Variants in ABR observed in about 807,000 individuals in gnomAD.
ABR encodes the protein active breakpoint cluster region-related protein.
A neutral mutation model predicts 107.2 loss-of-function variants in ABR; 35 were observed. The observed-to-expected ratio is 0.33, with a 90% CI of 0.25 to 0.43. ABR has a LOEUF of 0.43. Among genes scored for constraint, ABR ranks in the 20% least tolerant of loss-of-function variants. ABR has a pLI of 1.00. For synonymous variants in ABR, 498 were observed against 462.0 expected (o/e 1.08, Z -1.00); for missense variants, 815 against 1,115.2 (o/e 0.73, Z 3.83).
At chr17:1,057,718 GT>G in intron 12 of ABR, 2 of 458,478 alleles carry the variant, frequency 4.4e-6, no homozygotes, top group Non-Finnish European at 8.1e-6. Context: ...AGAGAGAGAG[GT>G]AGAGAGAGAG....
chr17:1,044,767 C>T (rs2031299680), intron 16 of ABR, among the ~76,000 whole-genome samples: 1 of 152,178 alleles, frequency 6.6e-6, no homozygotes, highest in South Asian at 2.1e-4. Context: ...TCCTGACTTT[C>T]CTGGGACCCT....
In ABR at chr17:1,100,678, T is replaced by G. The variant is rs140462166; in HGVS notation, c.304A>C (p.Ser102Arg). ...AGCTGGTTAATGTAGATCTCTTCGCTGGCCAAGAACCCCGAGAGAACCAGC... is the reference window on the plus strand; with the variant it reads ...AGCTGGTTAATGTAGATCTCTTCGCGGGCCAAGAACCCCGAGAGAACCAGC... ...RKLVLSGFLA[S>R]EEIYINQLEA... is the part of the protein sequence containing the mutation. The change falls in exon 3 of 23, where the codon AGC (serine) becomes CGC (arginine). Residue 102 changes from serine to arginine, a missense_variant. By Grantham distance (110) the Ser-to-Arg change is moderately radical. Coordinates refer to ENST00000302538, the MANE Select transcript of ABR (RefSeq NM_021962.5). 11 of 1,614,052 alleles carry G rather than the reference T, an allele frequency of 6.8e-6. No individual in the cohort carries two copies. The highest frequency in any genetic ancestry group is 1.3e-5 in the African/African-American group (1 of 74,934).
chr17:1,163,345 C>A (rs2041381943), intron 1 of ABR, among the ~76,000 whole-genome samples: 1 of 152,208 alleles, frequency 6.6e-6, no homozygotes, highest in Non-Finnish European at 1.5e-5. Context: ...GTTTCTGTGA[C>A]AATTCCATAG....
chr17:1,026,056 G>T (rs551815299), intron 16 of ABR, among the ~76,000 whole-genome samples: 109 of 152,368 alleles, frequency 7.2e-4, no homozygotes, highest in African/African-American at 2.5e-3. Context: ...CCCTGTGACA[G>T]ACTCTCCCAG....
chr17:1,082,079 C>T (rs533270099), intron 5 of ABR, among the ~76,000 whole-genome samples: 2 of 152,004 alleles, frequency 1.3e-5, no homozygotes, highest in Non-Finnish European at 2.9e-5. Context: ...GGAAAACTAC[C>T]CTGCGTTTCC....
intron 1 of ABR, among the ~76,000 whole-genome samples, chr17:1,146,942 G>A (rs538020359): frequency 1.3e-5 from 2 of 152,300 alleles, no homozygotes; most frequent in Non-Finnish European, 2.9e-5. Context: ...CACAGAGCAG[G>A]CTCAAGGGCC....
At chr17:1,190,333 G>A (rs1364354048), upstream of ABR, among the ~76,000 whole-genome samples, 1 of 152,152 alleles carries the variant, frequency 6.6e-6, no homozygotes, top group African/African-American at 2.4e-5. Context: ...TCCCAAATTT[G>A]CAATAAAACT....
intron 16 of ABR, among the ~76,000 whole-genome samples, chr17:1,046,850 C>T (rs1414198197): frequency 6.6e-6 from 1 of 152,216 alleles, no homozygotes; most frequent in Non-Finnish European, 1.5e-5. Flanking sequence ...GACTGTCATT[C>T]TCCCTGGAGG....
intron 1 of ABR, among the ~76,000 whole-genome samples, chr17:1,166,413 G>A (rs763436719): frequency 6.6e-6 from 1 of 152,246 alleles, no homozygotes; most frequent in South Asian, 2.1e-4. Context: ...CAGAGGAACA[G>A]CACGTGCAAA....
At chr17:1,056,605 C>T (rs1337849853) in intron 13 of ABR, among the ~76,000 whole-genome samples, 1 of 152,138 alleles carries the variant, frequency 6.6e-6, no homozygotes, top group Non-Finnish European at 1.5e-5. Context: ...CCCCAGACTC[C>T]CGGGCTTACA....
Position 1,078,903 on chromosome 17 carries a change from A to G in ABR, c.700+427T>C, listed in dbSNP as rs1245188938. On this transcript the variant is annotated intron_variant, in intron 6 of 22. Coordinates refer to ENST00000302538, the MANE Select transcript of ABR (RefSeq NM_021962.5). This position sits in a 1 kb window ranked among gnomAD's most constrained non-coding sequence, Gnocchi z 7.5. ...GGCGGGAGCGTGCAGCCATCGCTCC[A>G]GGCTCCCCGGCGCCCACCAGCAGCC... 9.1e-6 allele frequency: 14 copies of G among 1,534,444 alleles called. No homozygotes were observed. The South Asian group carries it at 1.2e-4, about 13-fold the overall frequency.
chr17:1,054,720 G>C lies in ABR; in HGVS notation c.1561+1315C>G, dbSNP rs142404425. Among the ~76,000 whole-genome samples the C allele has an allele frequency of 9.3e-4, 99 of 106,168 alleles. 18 individuals carry two copies. Among genetic ancestry groups the C allele is most frequent in the African/African-American group, 3.1e-3 (89 of 28,896 alleles). 69.7% of individuals were successfully genotyped at this position (106,168 alleles called of 152,430 possible). Reference sequence around the variant, plus strand: ...CAGGGGATGGGGGCACAAGGAACCTGAGGGGATGGGGGCACAAGGAACCTG... The same window carrying C: ...CAGGGGATGGGGGCACAAGGAACCTCAGGGGATGGGGGCACAAGGAACCTG... On this transcript the variant is annotated intron_variant, in intron 14 of 22. Transcript: ENST00000302538.
At chr17:1,063,779 T>G (rs55847733) in intron 10 of ABR, among the ~76,000 whole-genome samples, 1 of 146,982 alleles carries the variant, frequency 6.8e-6, no homozygotes, top group Admixed American at 6.9e-5. Context: ...ACTGCTGTTA[T>G]GTGAACTGAG....
upstream of ABR, among the ~76,000 whole-genome samples, chr17:1,191,318 G>C (rs1203818728): frequency 6.7e-6 from 1 of 148,254 alleles, no homozygotes; most frequent in Non-Finnish European, 1.5e-5. Context: ...CCCCCGCCTA[G>C]TAACGATGTT....
intron 5 of ABR, among the ~76,000 whole-genome samples, chr17:1,080,886 G>A (rs1328985854): frequency 6.6e-6 from 1 of 152,152 alleles, no homozygotes; most frequent in Non-Finnish European, 1.5e-5. Flanking sequence ...AATCACTCCT[G>A]CTGCAGAGAG....
chr17:1,083,752 G>C lies in ABR; in HGVS notation c.532-125C>G, dbSNP rs559148755. 3.2e-4 allele frequency: 240 copies of C among 756,178 alleles called. 1 individual carries two copies. In the South Asian group the frequency reaches 3.2e-3, roughly 10 times the overall value. 46.8% of individuals were successfully genotyped at this position (756,178 alleles called of 1,614,324 possible). A position where few individuals can be genotyped will look rare whatever the true frequency, so the allele number is the denominator to read the frequency against. ...CTGAAAACCTCTCACTCAGCTCGTT[G>C]GGAACTTGGGGAAACGCAGGGATGA... On this transcript the variant is annotated intron_variant, in intron 4 of 22. Transcript: ENST00000302538.
rs1319819877 is a variant in ABR at position 1,084,734 on chromosome 17, C to T, written c.532-1107G>A. On this transcript the variant is annotated intron_variant, in intron 4 of 22. Coordinates refer to ENST00000302538, the MANE Select transcript of ABR (RefSeq NM_021962.5). This position sits in a 1 kb window ranked among gnomAD's most constrained non-coding sequence, Gnocchi z 4.2. ...AAGCCATCACGAGATATTTTATACT[C>T]ATCAGAAGGGTCAAAATTTAAAAGT... Among the ~76,000 whole-genome samples the T allele has an allele frequency of 3.3e-5, 5 of 152,310 alleles. No individual in the cohort carries two copies. The East Asian group carries it at 9.6e-4, about 29-fold the overall frequency.
intron 16 of ABR, among the ~76,000 whole-genome samples, chr17:1,025,128 A>AAAAAAAAAAAAAC (rs2072084276): frequency 7.1e-6 from 1 of 140,106 alleles, no homozygotes. Flanking sequence ...TCAAAAAAAA[A>AAAAAAAAAAAAAC]AAAAAAAAAA....
intron 1 of ABR, among the ~76,000 whole-genome samples, chr17:1,193,606 G>A (rs1598102976): frequency 2.5e-5 from 1 of 39,680 alleles, no homozygotes. Flanking sequence ...ATTCACTCAG[G>A]AAGAGCTCGG....
Sources: allele counts gnomAD v4.1 joint callset (sites outside exome capture counted in the v4.1 genomes callset), GRCh38; gene constraint gnomAD v4.1.1; non-coding constraint Gnocchi (gnomAD v3.1); transcripts MANE v1.5; gene names NCBI Gene and HGNC (gene_info 2026-07-23, HGNC 2026-07-21).